Variants in MAPK10 observed in about 807,000 individuals in gnomAD.
The protein encoded by MAPK10 is mitogen-activated protein kinase 10.
A neutral mutation model predicts 59.3 loss-of-function variants in MAPK10; 25 were observed. The ratio of observed to expected loss-of-function variants is 0.42; its 90% CI spans 0.31 to 0.59. The LOEUF (loss-of-function observed/expected upper bound fraction) is 0.59. Ranked by LOEUF, MAPK10 falls within the 20% of genes least tolerant of loss-of-function variation. The pLI, the probability that MAPK10 is intolerant of heterozygous loss-of-function variation, is 0.15. For missense variants in MAPK10, 351 were observed against 568.9 expected (o/e 0.62, Z 3.90); for synonymous variants, 190 against 200.5 (o/e 0.95, Z 0.44).
chr4:86,496,096 A>G lies in MAPK10; in HGVS notation c.-263+97814T>C, dbSNP rs181517331. Among the ~76,000 whole-genome samples, 4 of 152,350 alleles carry G rather than the reference A, an allele frequency of 2.6e-5. No individual in the cohort carries two copies. The East Asian group carries it at 7.7e-4, about 29-fold the overall frequency. ...TCCATTAACCAAAAATAAACACAAG[A>G]AAAGTTCAAAAAAGCCCAAATGCTA... On this transcript the variant is annotated intron_variant, in intron 1 of 4. Coordinates refer to the MAPK10 transcript ENST00000502302.
rs186364407 is a variant in MAPK10 at position 86,135,326 on chromosome 4, C to T, written c.236+23972G>A. ...AGAGAGCAGTGGATCTCCCAGCATA[C>T]AGCTGGAGATCTGAGAAGGGGCAGA... is the stretch of plus-strand genomic sequence containing the variant. On this transcript the variant is annotated intron_variant, in intron 4 of 13. Coordinates refer to ENST00000641462, the MANE Select transcript of MAPK10 (RefSeq NM_138982.4). Among the ~76,000 whole-genome samples the T allele has an allele frequency of 5.4e-3, 820 of 152,316 alleles. 7 individuals are homozygous for T. Among genetic ancestry groups the T allele is most frequent in the African/African-American group, 0.019 (779 of 41,570 alleles).
intron 2 of MAPK10, chr4:86,268,366 C>A (rs1308391732): frequency 1.3e-5 from 2 of 152,156 alleles, no homozygotes; most frequent in East Asian, 3.8e-4. Flanking sequence ...GCAAGAGGCT[C>A]CTAGTTGCTT....
At chr4:86,434,575 A>C (rs1748456051) in intron 1 of MAPK10, among the ~76,000 whole-genome samples, 1 of 152,250 alleles carries the variant, frequency 6.6e-6, no homozygotes, top group Non-Finnish European at 1.5e-5. Flanking sequence ...AAAGAAATAC[A>C]AATCAAAACC....
chr4:86,356,720 A>T (rs1028651595), intron 1 of MAPK10: 2 of 152,320 alleles, frequency 1.3e-5, no homozygotes, highest in East Asian at 3.9e-4. Flanking sequence ...AACAATCAAT[A>T]TGCAGCATGA....
At chr4:86,509,534 G>T (rs1391834354) in intron 1 of MAPK10, among the ~76,000 whole-genome samples, 2 of 150,598 alleles carry the variant, frequency 1.3e-5, no homozygotes, top group East Asian at 3.9e-4. Flanking sequence ...AAGAAAACCA[G>T]ATCAGCAAAC....
chr4:86,068,957 A>C (rs2047249890), intron 9 of MAPK10, among the ~76,000 whole-genome samples: 1 of 152,150 alleles, frequency 6.6e-6, no homozygotes, highest in Non-Finnish European at 1.5e-5. Flanking sequence ...CTTAAATCCA[A>C]TACTGCAAGC....
At chr4:86,578,641 T>A (rs1398572142) in intron 1 of MAPK10, among the ~76,000 whole-genome samples, 1 of 151,742 alleles carries the variant, frequency 6.6e-6, no homozygotes, top group South Asian at 2.1e-4. Flanking sequence ...AACATTCAAA[T>A]CATAGATAAT....
chr4:86,281,375 C>T (rs2094796784), intron 2 of MAPK10, among the ~76,000 whole-genome samples: 1 of 151,956 alleles, frequency 6.6e-6, no homozygotes, highest in East Asian at 1.9e-4. Flanking sequence ...GTGGTGCACA[C>T]CTGTAATGCC....
chr4:86,508,551 G>T (rs562997550), intron 1 of MAPK10, among the ~76,000 whole-genome samples: 1 of 152,216 alleles, frequency 6.6e-6, no homozygotes, highest in East Asian at 1.9e-4. Flanking sequence ...TTGATTTGGT[G>T]CATCCGGCTT....
chr4:86,175,497 G>T (rs878931647), intron 3 of MAPK10, among the ~76,000 whole-genome samples: 2 of 152,074 alleles, frequency 1.3e-5, no homozygotes, highest in African/African-American at 4.8e-5. Context: ...GTTTCTCATG[G>T]TTTAACACCA....
At chr4:86,176,741 A>C (rs1277915713) in intron 3 of MAPK10, among the ~76,000 whole-genome samples, 2 of 152,146 alleles carry the variant, frequency 1.3e-5, no homozygotes, top group East Asian at 3.9e-4. Flanking sequence ...TACCCAGAAA[A>C]AACCTAATGT....
At chr4:86,048,818 T>C (rs1016327557) in intron 11 of MAPK10, among the ~76,000 whole-genome samples, 4 of 152,130 alleles carry the variant, frequency 2.6e-5, no homozygotes, top group African/African-American at 9.7e-5. Flanking sequence ...AATGTAATAA[T>C]TTTTTTAATT....
Position 86,098,524 on chromosome 4 carries a change from A to G in MAPK10, c.802T>C (p.Tyr268His). 2 of 1,612,546 alleles carry G rather than the reference A, an allele frequency of 1.2e-6. No individual in the cohort carries two copies. Among genetic ancestry groups the G allele is most frequent in the Non-Finnish European group, 8.5e-7 (1 of 1,178,598 alleles). The change falls in exon 9 of 14, where the codon TAT becomes CAT. Residue 268 changes from tyrosine to histidine, a missense_variant and splice_region_variant. Tyr to His is a moderately conservative substitution (Grantham distance 83). Coordinates refer to ENST00000641462, the MANE Select transcript of MAPK10 (RefSeq NM_138982.4). ...RHKILFPGRD[Y>H]IDQWNKVIEQ... ...GCTGTAGCAAAAGGTACAAGGATAC[A>G]GTCCCTTCCTGGAAAGAGGATTTTG...
chr4:86,013,256 GT>G lies in MAPK10; in HGVS notation c.*3971del, dbSNP rs1741947052. Reference sequence around the variant, plus strand: ...TAACTATTTACATTGCAACTTTTTTGTTGTTTTTACAGAGAGGAGTTTCCTT... The same window carrying G: ...TAACTATTTACATTGCAACTTTTTTGTGTTTTTACAGAGAGGAGTTTCCTT... On this transcript the variant is annotated 3_prime_UTR_variant, in exon 14 of 14. Transcript: ENST00000641462. 1 of 152,094 alleles carries G rather than the reference GT, an allele frequency of 6.6e-6. No homozygotes were observed. The highest frequency in any genetic ancestry group is 1.5e-5 in the Non-Finnish European group (1 of 68,004). The allele number at this position is 152,094 out of a possible 1,614,324, so 9.4% of individuals were successfully genotyped here. A position where few individuals can be genotyped will look rare whatever the true frequency, so the allele number is the denominator to read the frequency against.
chr4:86,567,207 GAA>G (rs1761117524), intron 1 of MAPK10, among the ~76,000 whole-genome samples: 1 of 151,012 alleles, frequency 6.6e-6, no homozygotes, highest in Non-Finnish European at 1.5e-5. Context: ...AACTCAGTAT[GAA>G]ATATTAGTTC....
At chr4:86,388,852 C>T (rs2149007137) in intron 1 of MAPK10, among the ~76,000 whole-genome samples, 1 of 152,210 alleles carries the variant, frequency 6.6e-6, no homozygotes, top group Non-Finnish European at 1.5e-5. Flanking sequence ...TTATTTCTAG[C>T]TCAAAGAACA....
chr4:86,498,883 A>G (rs1332662544), intron 1 of MAPK10, among the ~76,000 whole-genome samples: 1 of 152,174 alleles, frequency 6.6e-6, no homozygotes, highest in Non-Finnish European at 1.5e-5. Context: ...CACTCAAAGA[A>G]AGTAAAATAA....
intron 11 of MAPK10, among the ~76,000 whole-genome samples, chr4:86,038,240 C>G (rs1398948737): frequency 6.6e-6 from 1 of 152,174 alleles, no homozygotes; most frequent in Non-Finnish European, 1.5e-5. Flanking sequence ...AATTAAGGAT[C>G]TCCCTGTGTT....
At chr4:86,136,353 A>C (rs2062087405) in intron 4 of MAPK10, among the ~76,000 whole-genome samples, 1 of 152,220 alleles carries the variant, frequency 6.6e-6, no homozygotes, top group African/African-American at 2.4e-5. Flanking sequence ...GAAACCCTAC[A>C]AGCCAGAAGA....
Sources: allele counts gnomAD v4.1 joint callset (sites outside exome capture counted in the v4.1 genomes callset), GRCh38; gene constraint gnomAD v4.1.1; transcripts MANE v1.5; gene names NCBI Gene and HGNC (gene_info 2026-07-23, HGNC 2026-07-21).